ACTR5: variants seen among roughly 807,000 people sequenced by gnomAD.
The protein encoded by ACTR5 is actin related protein 5, also known as actin-related protein 5.
In ACTR5, 43 loss-of-function variants were observed where a neutral mutation model predicts 61.2. That is an observed-to-expected ratio of 0.70 (90% CI 0.55 to 0.91). ACTR5 has a LOEUF of 0.91. Among genes scored for constraint, ACTR5 ranks in the 40% least tolerant of loss-of-function variants. The probability of loss-of-function intolerance (pLI) is 0.00; values close to 1 mark genes in which losing one functional copy is unlikely to be tolerated. For synonymous variants in ACTR5, 333 were observed against 310.5 expected (o/e 1.07, Z -0.76); for missense variants, 798 against 782.2 (o/e 1.02, Z -0.24).
At chr20:38,748,933 G>C in intron 1 of ACTR5, 80 bp downstream of exon 1, 1 of 1,499,834 alleles carries the variant, frequency 6.7e-7, no homozygotes, top group Admixed American at 2.2e-5. Flanking sequence ...TGCTCTCGGA[G>C]AGGTAACAGT....
At position 38,755,852 on chromosome 20, in the gene ACTR5, T is replaced by C; in HGVS notation, c.994-5T>C. The C allele has an allele frequency of 6.2e-7, 1 of 1,614,034 alleles. No homozygotes were observed. The highest frequency in any genetic ancestry group is 8.5e-7 in the Non-Finnish European group (1 of 1,179,976). Reference sequence around the variant, plus strand: ...CCTTCCTGTTTGTGACTGCTCTGTTTTCAGGAACTTCTAGAGGATGGCCAG... The same window carrying C: ...CCTTCCTGTTTGTGACTGCTCTGTTCTCAGGAACTTCTAGAGGATGGCCAG... On this transcript the variant is annotated splice_polypyrimidine_tract_variant and splice_region_variant and intron_variant, in intron 4 of 8. Coordinates refer to ENST00000243903, the MANE Select transcript of ACTR5 (RefSeq NM_024855.4).
chr20:38,767,959 T>C (rs530934753), intron 8 of ACTR5, among the ~76,000 whole-genome samples: 1 of 152,120 alleles, frequency 6.6e-6, no homozygotes, highest in South Asian at 2.1e-4. Context: ...CAGAAGCTTG[T>C]TGAGGGAGTG....
At chr20:38,765,574 G>C (rs2084481428) in intron 6 of ACTR5, 56 bp downstream of exon 6, 4 of 1,427,044 alleles carry the variant, frequency 2.8e-6, no homozygotes, top group African/African-American at 1.4e-5. Context: ...GACCTAAATG[G>C]CTGGGCTAGT....
At chr20:38,764,952 G>A (rs569588290) in intron 5 of ACTR5, among the ~76,000 whole-genome samples, 49 of 152,342 alleles carry the variant, frequency 3.2e-4, no homozygotes, top group African/African-American at 1.0e-3. Flanking sequence ...GATTACAGGC[G>A]TGAGCCACTG....
chr20:38,763,798 T>C (rs2084469231), intron 5 of ACTR5, among the ~76,000 whole-genome samples: 1 of 152,174 alleles, frequency 6.6e-6, no homozygotes, highest in Admixed American at 6.5e-5. Flanking sequence ...AGGGACAGCT[T>C]TTGCTTCCTT....
chr20:38,771,690 G>A lies in ACTR5; in HGVS notation c.1698G>A (p.Lys566=), dbSNP rs1446260220. 1.2e-6 allele frequency: 2 copies of A among 1,614,224 alleles called. No individual in the cohort carries two copies. The highest frequency in any genetic ancestry group is 8.5e-7 in the Non-Finnish European group (1 of 1,180,026). ...EYEEKGGEYL[K]EHCASNIYVP... is the part of the protein sequence containing the mutation. Reference sequence around the variant, plus strand: ...AAGAAAAGGGAGGAGAGTACCTCAAGGAGCACTGTGCTTCCAACATCTATG... The same window carrying A: ...AAGAAAAGGGAGGAGAGTACCTCAAAGAGCACTGTGCTTCCAACATCTATG... Residue 566 remains lysine, a synonymous_variant, in exon 9 of 9, where the codon AAG becomes AAA. Coordinates refer to ENST00000243903, the MANE Select transcript of ACTR5 (RefSeq NM_024855.4).
intron 3 of ACTR5, among the ~76,000 whole-genome samples, chr20:38,754,361 AT>A (rs1460344271): frequency 6.6e-6 from 1 of 152,062 alleles, no homozygotes; most frequent in East Asian, 1.9e-4. Context: ...GGATTCAGGG[AT>A]TGGATGGAGT....
intron 5 of ACTR5, among the ~76,000 whole-genome samples, chr20:38,757,341 C>T (rs1199735491): frequency 6.6e-6 from 1 of 152,170 alleles, no homozygotes; most frequent in Non-Finnish European, 1.5e-5. Flanking sequence ...GTTGAGTCGC[C>T]TGCCTTTAGA....
At position 38,752,428 on chromosome 20, in the gene ACTR5, C is replaced by G. The variant is rs1035528468; in HGVS notation, c.775+128C>G. The G allele has an allele frequency of 4.7e-6, 5 of 1,068,978 alleles. No homozygotes were observed. In the African/African-American group the frequency reaches 8.0e-5, roughly 17 times the overall value. The allele number at this position is 1,068,978 out of a possible 1,614,324, so 66.2% of individuals were successfully genotyped here. On this transcript the variant is annotated intron_variant, in intron 3 of 8. Coordinates refer to ENST00000243903, the MANE Select transcript of ACTR5 (RefSeq NM_024855.4). ...TCCTTCCCCTTTTTGTATTCCCTTT[C>G]TTAAACTATTCAGTAAACTGATAAC...
intron 2 of ACTR5, among the ~76,000 whole-genome samples, chr20:38,750,880 C>G (rs2145663170): frequency 6.6e-6 from 1 of 152,318 alleles, no homozygotes; most frequent in African/African-American, 2.4e-5. Flanking sequence ...ATCCACCCTC[C>G]TTGGCCTCCC....
At chr20:38,771,240 C>T (rs1465965675) in intron 8 of ACTR5, among the ~76,000 whole-genome samples, 1 of 152,238 alleles carries the variant, frequency 6.6e-6, no homozygotes, top group African/African-American at 2.4e-5. Context: ...ACGGGCCAGC[C>T]TCCACTTCAC....
intron 5 of ACTR5, 37 bp downstream of exon 5, chr20:38,756,076 G>C: frequency 6.4e-7 from 1 of 1,573,408 alleles, no homozygotes; most frequent in Non-Finnish European, 8.6e-7. Context: ...CCCTTCTTGA[G>C]GGGAGGAGTG....
chr20:38,752,074 G>T, intron 2 of ACTR5, 57 bp from the exon 3 acceptor site: 1 of 1,553,484 alleles, frequency 6.4e-7, no homozygotes, highest in South Asian at 1.1e-5. Flanking sequence ...CTCCCAAGAT[G>T]CTCCATATTT....
At chr20:38,761,409 A>G (rs964918112) in intron 5 of ACTR5, 1 of 152,290 alleles carries the variant, frequency 6.6e-6, no homozygotes, top group Non-Finnish European at 1.5e-5. Flanking sequence ...GAGCAGGAGC[A>G]GTAAGAGATA....
In ACTR5 at chr20:38,750,030, A is replaced by G. The variant is rs200852027; in HGVS notation, c.396A>G (p.Ile132Met). Residue 132 changes from isoleucine to methionine, a missense_variant, in exon 2 of 9, where the codon ATA becomes ATG. Transcript: ENST00000243903. ...VSSQGCVDHP[I>M]VLTEAVCNPL... Reference sequence around the variant, plus strand: ...AGTAGGGCTGTGTTGATCATCCCATAGTTTTGACAGAAGCTGTGTGCAACC... The same window carrying G: ...AGTAGGGCTGTGTTGATCATCCCATGGTTTTGACAGAAGCTGTGTGCAACC... The G allele has an allele frequency of 1.9e-6, 3 of 1,613,992 alleles. No homozygotes were observed. The highest frequency in any genetic ancestry group is 1.1e-5 in the South Asian group (1 of 91,088).
Position 38,750,127 on chromosome 20 carries a change from A to G in ACTR5, c.493A>G (p.Ile165Val), listed in dbSNP as rs753270731. 2.5e-6 allele frequency: 4 copies of G among 1,614,092 alleles called. No homozygotes were observed. In the East Asian group the frequency reaches 6.7e-5, roughly 27 times the overall value. ...CYGIPKVAYG[I>V]DSLFSFYHNK... ...CGGGATTCCCAAGGTTGCCTATGGA[A>G]TAGACAGCCTCTTCAGCTTCTACCA... The change falls in exon 2 of 9, where the codon ATA becomes GTA. Residue 165 changes from isoleucine (I) to valine (V), a missense_variant. Coordinates refer to ENST00000243903, the MANE Select transcript of ACTR5 (RefSeq NM_024855.4).
At chr20:38,749,659 A>G (rs1016120523) in intron 1 of ACTR5, among the ~76,000 whole-genome samples, 4 of 152,160 alleles carry the variant, frequency 2.6e-5, no homozygotes, top group Admixed American at 2.6e-4. Flanking sequence ...GGAAACAGGG[A>G]CGAGTTAGGA....
At chr20:38,753,943 G>A (rs1319759187) in intron 3 of ACTR5, among the ~76,000 whole-genome samples, 3 of 135,050 alleles carry the variant, frequency 2.2e-5, no homozygotes, top group Non-Finnish European at 4.7e-5. Context: ...GTAGTTTTTA[G>A]TGGTTGCTTT....
At chr20:38,755,560 C>T (rs1011931038) in intron 4 of ACTR5, among the ~76,000 whole-genome samples, 3 of 151,684 alleles carry the variant, frequency 2.0e-5, no homozygotes, top group Non-Finnish European at 2.9e-5. Context: ...CATGTCTCCT[C>T]TTAGTAACTT....
Sources: allele counts gnomAD v4.1 joint callset (sites outside exome capture counted in the v4.1 genomes callset), GRCh38; gene constraint gnomAD v4.1.1; transcripts MANE v1.5; gene names NCBI Gene and HGNC (gene_info 2026-07-23, HGNC 2026-07-21).